OSBPL3: variants seen among roughly 807,000 people sequenced by gnomAD.
OSBPL3 encodes oxysterol binding protein like 3.
In OSBPL3, 65 loss-of-function variants were observed where a neutral mutation model predicts 120.1. That is an observed-to-expected ratio of 0.54 (90% CI 0.44 to 0.67). The LOEUF is 0.67. Among genes scored for constraint, OSBPL3 ranks in the 30% least tolerant of loss-of-function variants. The probability of loss-of-function intolerance (pLI) is 0.00; values close to 1 mark genes in which losing one functional copy is unlikely to be tolerated. For synonymous variants in OSBPL3, 416 were observed against 402.6 expected (o/e 1.03, Z -0.40); for missense variants, 1,004 against 1,082.1 (o/e 0.93, Z 1.01).
intron 20 of OSBPL3, among the ~76,000 whole-genome samples, chr7:24,809,254 A>G (rs1026655646): frequency 6.6e-6 from 1 of 152,204 alleles, no homozygotes. Flanking sequence ...AGGAGATGGA[A>G]TAAGATGTTA....
chr7:24,920,334 C>A (rs1238098702), intron 1 of OSBPL3, among the ~76,000 whole-genome samples: 1 of 152,110 alleles, frequency 6.6e-6, no homozygotes, highest in South Asian at 2.1e-4. Flanking sequence ...AGTCATGCTA[C>A]AACATGTATG....
chr7:24,948,875 G>C (rs778518614), intron 1 of OSBPL3, among the ~76,000 whole-genome samples: 2 of 152,192 alleles, frequency 1.3e-5, no homozygotes, highest in African/African-American at 4.8e-5. Context: ...TCAGTTGTTC[G>C]TAATAACAAC....
chr7:24,812,105 G>A (rs1309444817), intron 19 of OSBPL3, among the ~76,000 whole-genome samples: 4 of 151,972 alleles, frequency 2.6e-5, no homozygotes, highest in Admixed American at 6.6e-5. Context: ...TCCGGAGTTC[G>A]AGACCAGCCT....
rs1414614860 is a variant in OSBPL3, at chr7:24,966,052, T to C, written c.-150+13834A>G. Among the ~76,000 whole-genome samples, 2 of 152,150 alleles carry C rather than the reference T, an allele frequency of 1.3e-5. No homozygotes were observed. Among genetic ancestry groups the C allele is most frequent in the East Asian group, 3.9e-4 (2 of 5,194 alleles). On this transcript the variant is annotated intron_variant, in intron 1 of 22. Transcript: ENST00000313367. This position sits in a 1 kb window ranked among gnomAD's most constrained non-coding sequence, Gnocchi z 4.8. ...CTGGCTAAGTCTCACACAAGTCATCTGAGAGAGAGGAGAAACAGTACTGTT... is the reference window on the plus strand; with the variant it reads ...CTGGCTAAGTCTCACACAAGTCATCCGAGAGAGAGGAGAAACAGTACTGTT...
At chr7:24,848,613 A>G (rs1009454223) in intron 12 of OSBPL3, among the ~76,000 whole-genome samples, 4 of 152,180 alleles carry the variant, frequency 2.6e-5, no homozygotes, top group African/African-American at 7.2e-5. Flanking sequence ...GCCGCATTCT[A>G]TAAAAGAAAA....
intron 1 of OSBPL3, among the ~76,000 whole-genome samples, chr7:24,904,164 T>C (rs1807499821): frequency 6.6e-6 from 1 of 152,146 alleles, no homozygotes; most frequent in Non-Finnish European, 1.5e-5. Context: ...ATTACAGGTG[T>C]GAGTCACTGC....
chr7:24,816,417 C>T (rs1354248253), intron 18 of OSBPL3, among the ~76,000 whole-genome samples, 193 bp downstream of exon 18: 1 of 151,948 alleles, frequency 6.6e-6, no homozygotes, highest in African/African-American at 2.4e-5. Context: ...GAGGCATTTC[C>T]ATTTGAGGGA....
chr7:24,860,258 C>T (rs1800341711), intron 10 of OSBPL3, among the ~76,000 whole-genome samples: 1 of 152,210 alleles, frequency 6.6e-6, no homozygotes, highest in African/African-American at 2.4e-5. Context: ...TTACTTCCTC[C>T]ATCTCCATAA....
intron 12 of OSBPL3, among the ~76,000 whole-genome samples, chr7:24,843,266 G>T (rs1279602700): frequency 6.6e-6 from 1 of 152,194 alleles, no homozygotes; most frequent in Non-Finnish European, 1.5e-5. Context: ...TGGCAAAGTG[G>T]AGAGACTGAT....
At chr7:24,810,232 ACT>A (rs1406438606) in intron 19 of OSBPL3, 1 of 263,348 alleles carries the variant, frequency 3.8e-6, no homozygotes, top group East Asian at 9.1e-5. Context: ...ATAACACTTA[ACT>A]CTCTCAGTGG....
At chr7:24,970,936 C>T (rs1438126913) in intron 1 of OSBPL3, among the ~76,000 whole-genome samples, 1 of 152,148 alleles carries the variant, frequency 6.6e-6, no homozygotes, top group Non-Finnish European at 1.5e-5. Context: ...TGCTTCAGAC[C>T]GTTCCTCAAA....
At chr7:24,866,986 G>A (rs1801413404) in intron 5 of OSBPL3, among the ~76,000 whole-genome samples, 1 of 152,120 alleles carries the variant, frequency 6.6e-6, no homozygotes, top group Non-Finnish European at 1.5e-5. Context: ...ATCTTTAGTA[G>A]AGGCGGGGTT....
At chr7:24,832,206 C>CA (rs35738897) in intron 15 of OSBPL3, among the ~76,000 whole-genome samples, 41,303 of 95,430 alleles carry the variant, frequency 0.43, 9,378 homozygotes, top group African/African-American at 0.63. Context: ...GACCCTGTCT[C>CA]AAAAAAAAAA....
chr7:24,800,375 A>G (rs1195820392), intron 22 of OSBPL3, 96 bp from the exon 23 acceptor site: 7 of 681,316 alleles, frequency 1.0e-5, no homozygotes, highest in East Asian at 2.9e-5. Flanking sequence ...CCCCATCCTC[A>G]TTCCCACATG....
At chr7:24,958,848 T>C (rs888469427) in intron 1 of OSBPL3, among the ~76,000 whole-genome samples, 1 of 152,200 alleles carries the variant, frequency 6.6e-6, no homozygotes, top group Non-Finnish European at 1.5e-5. Flanking sequence ...AGTGAAGATC[T>C]GCAGACTTGT....
chr7:24,885,064 A>T (rs1420569707), intron 2 of OSBPL3, among the ~76,000 whole-genome samples: 1 of 151,878 alleles, frequency 6.6e-6, no homozygotes, highest in Non-Finnish European at 1.5e-5. Flanking sequence ...GGGGTGGATC[A>T]CCTGAGGGCA....
intron 1 of OSBPL3, among the ~76,000 whole-genome samples, chr7:24,970,577 A>G (rs1816901352): frequency 6.6e-6 from 1 of 152,164 alleles, no homozygotes; most frequent in Admixed American, 6.5e-5. Context: ...ATAGATACAG[A>G]TAGATAGATA....
intron 1 of OSBPL3, among the ~76,000 whole-genome samples, chr7:24,941,489 A>T (rs1214036296): frequency 6.6e-6 from 1 of 152,124 alleles, no homozygotes; most frequent in Non-Finnish European, 1.5e-5. Context: ...AGCTCTCCCC[A>T]CTAAATGATG....
chr7:24,976,004 C>A (rs1456900385), intron 1 of OSBPL3, among the ~76,000 whole-genome samples: 2 of 152,102 alleles, frequency 1.3e-5, no homozygotes, highest in South Asian at 2.1e-4. Flanking sequence ...AGGATGAGGC[C>A]AAAGCTGAGC....
Sources: gnomAD v4.1 joint callset for allele counts (sites outside exome capture counted in the v4.1 genomes callset) on GRCh38, gnomAD v4.1.1 for gene constraint, Gnocchi (gnomAD v3.1) non-coding constraint, MANE v1.5 for transcripts, NCBI Gene and HGNC (gene_info 2026-07-23, HGNC 2026-07-21) for gene names.